The following FMO5 variants were observed in gnomAD, a reference collection of about 807,000 sequenced individuals.
FMO5 encodes the protein flavin-containing monooxygenase 5.
Under a neutral mutation model 43.6 loss-of-function variants are expected in FMO5, and 51 were observed. The observed-to-expected ratio is 1.17, with a 90% CI of 0.93 to 1.48. The LOEUF (loss-of-function observed/expected upper bound fraction) is 1.48. Ranked by LOEUF, FMO5 falls within the 40% of genes most tolerant of loss-of-function variation. The pLI, the probability that FMO5 is intolerant of heterozygous loss-of-function variation, is 0.00. For missense variants in FMO5, 644 were observed against 643.0 expected (o/e 1.00, Z -0.02); for synonymous variants, 187 against 216.5 (o/e 0.86, Z 1.20).
At chr1:147,186,238 T>A (rs1553916958), downstream of FMO5, 1 of 815,050 alleles carries the variant, frequency 1.2e-6, no homozygotes, top group African/African-American at 1.9e-5. Flanking sequence ...GTAGATGATC[T>A]GAATGACTGT....
intron 2 of FMO5, 37 bp from the exon 3 acceptor site, chr1:147,215,979 A>G: frequency 6.7e-7 from 1 of 1,495,086 alleles, no homozygotes. Flanking sequence ...CAACTTGAGG[A>G]TCATCTTCAT....
chr1:147,203,476 G>T, intron 6 of FMO5: 1 of 833,680 alleles, frequency 1.2e-6, no homozygotes, highest in Non-Finnish European at 2.1e-6. Flanking sequence ...TACAGCCTCA[G>T]TATCTAATCC....
At chr1:147,195,812 T>TCTTTCTA (rs1553919667) in intron 7 of FMO5, among the ~76,000 whole-genome samples, 2 of 152,144 alleles carry the variant, frequency 1.3e-5, no homozygotes, top group Non-Finnish European at 2.9e-5. Flanking sequence ...ATACAAGCAT[T>TCTTTCTA]CTTTCTACAA....
chr1:147,226,365 G>T (rs1663986145), upstream of FMO5, among the ~76,000 whole-genome samples: 1 of 152,060 alleles, frequency 6.6e-6, no homozygotes, highest in Admixed American at 6.5e-5. Flanking sequence ...GGAATGTATT[G>T]TTTCCTACTC....
In FMO5 at chr1:147,203,273, T is replaced by C. The variant is rs990741470; in HGVS notation, c.831-1769A>G. 1.1e-5 allele frequency: 17 copies of C among 1,562,110 alleles called. No individual in the cohort carries two copies. The Admixed American group carries it at 3.0e-4, about 28-fold the overall frequency. Reference sequence around the variant, plus strand: ...CACCTACAGTAAAAATTAAGCCAATTTCAATCATTTTGGTCATCATCCCAG... The same window carrying C: ...CACCTACAGTAAAAATTAAGCCAATCTCAATCATTTTGGTCATCATCCCAG... On this transcript the variant is annotated intron_variant, in intron 6 of 8. Coordinates refer to ENST00000254090, the MANE Select transcript of FMO5 (RefSeq NM_001461.4).
At chr1:147,193,250 G>A (rs1317920210) in intron 7 of FMO5, among the ~76,000 whole-genome samples, 1 of 152,124 alleles carries the variant, frequency 6.6e-6, no homozygotes, top group Non-Finnish European at 1.5e-5. Flanking sequence ...GGGTGTATGT[G>A]TTGAGGAATT....
intron 2 of FMO5, among the ~76,000 whole-genome samples, chr1:147,221,062 G>GA (rs1662926463): frequency 6.6e-6 from 1 of 151,536 alleles, no homozygotes; most frequent in African/African-American, 2.4e-5. Flanking sequence ...TTAACCATGA[G>GA]AAAAAAATAA....
At chr1:147,204,906 C>G in intron 6 of FMO5, 2 of 1,580,640 alleles carry the variant, frequency 1.3e-6, no homozygotes, top group Non-Finnish European at 1.7e-6. Context: ...GGGCGAAGCC[C>G]GGAGCCTTGG....
intron 2 of FMO5, chr1:147,223,923 G>A: frequency 2.7e-6 from 1 of 368,998 alleles, no homozygotes; most frequent in Non-Finnish European, 5.2e-6. Context: ...AAAGCTGCTA[G>A]CAAAGGGGAT....
chr1:147,184,367 C>A (rs1655438728), downstream of FMO5: 1 of 1,046,596 alleles, frequency 9.6e-7, no homozygotes, highest in Non-Finnish European at 1.3e-6. The surrounding 1 kb of genome is among the most constrained non-coding windows in gnomAD (Gnocchi z 4.4). Flanking sequence ...TTTGTCACAA[C>A]TAATAAACCA....
At chr1:147,227,229 A>T (rs188500482), upstream of FMO5, among the ~76,000 whole-genome samples, 1 of 152,342 alleles carries the variant, frequency 6.6e-6, no homozygotes. Flanking sequence ...TTCTGAAGAC[A>T]GTGTTTCAAC....
rs782544678 is a variant in FMO5, at chr1:147,215,886, A to G, written c.192T>C (p.Ser64=). 1.9e-6 allele frequency: 3 copies of G among 1,613,026 alleles called. No homozygotes were observed. The highest frequency in any genetic ancestry group is 1.3e-5 in the African/African-American group (1 of 74,930). Residue 64 remains serine, a synonymous_variant, in exon 3 of 9, where the codon TCT becomes TCC. Transcript: ENST00000254090. ...SIYKSVIINT[S]KEMMCFSDYP... The stretch of plus-strand genomic sequence containing the variant: ...AGTCACTGAAGCACATCATCTCTTT[A>G]GAAGTATTGATGATCACTGATTTGT...
chr1:147,214,458 A>AC lies in FMO5; in HGVS notation c.325-989dup, dbSNP rs1232434982. The stretch of plus-strand genomic sequence containing the variant: ...AGAGCAAGACTCTGTCTGAAAAAAA[A>AC]CAAAAAACAAAAAAAAAAAGAGAGA... On this transcript the variant is annotated intron_variant, in intron 3 of 8. Coordinates refer to ENST00000254090, the MANE Select transcript of FMO5 (RefSeq NM_001461.4). Among the ~76,000 whole-genome samples, 35 of 1,920 alleles carry AC rather than the reference A, an allele frequency of 0.018. No homozygotes were observed. In the East Asian group the frequency reaches 0.45, roughly 25 times the overall value. 1.3% of individuals were successfully genotyped at this position (1,920 alleles called of 152,430 possible). A position where few individuals can be genotyped will look rare whatever the true frequency, so the allele number is the denominator to read the frequency against.
chr1:147,195,207 C>G (rs1263429584), intron 7 of FMO5, among the ~76,000 whole-genome samples: 6 of 152,134 alleles, frequency 3.9e-5, no homozygotes, highest in African/African-American at 1.2e-4. Context: ...TTGTTCGTTT[C>G]TTTTTATTCT....
intron 2 of FMO5, among the ~76,000 whole-genome samples, chr1:147,220,115 G>C (rs1662753175): frequency 6.6e-6 from 1 of 152,134 alleles, no homozygotes; most frequent in Non-Finnish European, 1.5e-5. Context: ...TGGGATTACA[G>C]GCATGAGCCA....
chr1:147,206,179 C>T (rs1376360261), intron 6 of FMO5, among the ~76,000 whole-genome samples: 6 of 150,642 alleles, frequency 4.0e-5, no homozygotes, highest in African/African-American at 9.9e-5. Context: ...CTCATCATCA[C>T]TGGCCATCAG....
chr1:147,192,182 T>G (rs587755819), intron 7 of FMO5, among the ~76,000 whole-genome samples: 2 of 152,248 alleles, frequency 1.3e-5, no homozygotes, highest in Admixed American at 6.5e-5. Context: ...CCTCTTTTAT[T>G]TCATTGAGCA....
chr1:147,201,395 A>T lies in FMO5; in HGVS notation c.940T>A (p.Phe314Ile), dbSNP rs139232242. Reference protein sequence around the residue: ...VKEFTETAAIFEDGSREDDID... With the variant: ...VKEFTETAAIIEDGSREDDID... Reference sequence around the variant, plus strand: ...TCATCCTCCCTGGAGCCATCCTCAAATATGGCAGCTGTCTCCGTGAATTCC... The same window carrying T: ...TCATCCTCCCTGGAGCCATCCTCAATTATGGCAGCTGTCTCCGTGAATTCC... Residue 314 changes from phenylalanine to isoleucine, a missense_variant, in exon 7 of 9, where the codon TTT becomes ATT. By Grantham distance (21) the Phe-to-Ile change is conservative (BLOSUM62 0). Coordinates refer to ENST00000254090, the MANE Select transcript of FMO5 (RefSeq NM_001461.4). 2.5e-5 allele frequency: 40 copies of T among 1,613,914 alleles called. No homozygotes were observed. Among genetic ancestry groups the T allele is most frequent in the Non-Finnish European group, 3.2e-5 (38 of 1,179,886 alleles).
At position 147,208,998 on chromosome 1, in the gene FMO5, G is replaced by A; in HGVS notation, c.684C>T (p.Tyr228=). 2 of 1,613,974 alleles carry A rather than the reference G, an allele frequency of 1.2e-6. No homozygotes were observed. The highest frequency in any genetic ancestry group is 8.5e-7 in the Non-Finnish European group (1 of 1,179,930). ...GAWILNRVGD[Y]GYPADVLFSS... ...AGAACAACACATCAGCAGGATATCC[G>A]TAGTCCCCTACACGATTCAGGATCC... The change falls in exon 6 of 9, where the codon TAC becomes TAT. Residue 228 remains tyrosine, a synonymous_variant. Coordinates refer to ENST00000254090, the MANE Select transcript of FMO5 (RefSeq NM_001461.4).
Sources: gnomAD v4.1 joint callset for allele counts (sites outside exome capture counted in the v4.1 genomes callset) on GRCh38, gnomAD v4.1.1 for gene constraint, Gnocchi (gnomAD v3.1) non-coding constraint, MANE v1.5 for transcripts, NCBI Gene and HGNC (gene_info 2026-07-23, HGNC 2026-07-21) for gene names.